CCDC171: variants seen among roughly 807,000 people sequenced by gnomAD.
CCDC171 encodes the protein coiled-coil domain containing 171.
Under a neutral mutation model 168.2 loss-of-function variants are expected in CCDC171, and 177 were observed. The observed-to-expected ratio is 1.05, with a 90% confidence interval of 0.93 to 1.19. The LOEUF (loss-of-function observed/expected upper bound fraction) is 1.19. Among genes scored for constraint, CCDC171 ranks in the 50% most tolerant of loss-of-function variants. The pLI is 0.00. For synonymous variants in CCDC171, 687 were observed against 540.8 expected (o/e 1.27, Z -3.75); for missense variants, 1,991 against 1,539.0 (o/e 1.29, Z -4.91).
At chr9:15,613,790 G>A (rs913329252) in intron 6 of CCDC171, among the ~76,000 whole-genome samples, 6 of 151,966 alleles carry the variant, frequency 3.9e-5, no homozygotes, top group South Asian at 2.1e-4. Context: ...CCCAAAGTGC[G>A]GGGATTACAG....
intron 3 of CCDC171, among the ~76,000 whole-genome samples, chr9:15,982,856 T>A (rs1649376556): frequency 6.6e-6 from 1 of 152,172 alleles, no homozygotes. Flanking sequence ...ATTCTACTTG[T>A]TCAGCAGACA....
chr9:15,650,789 T>C (rs1464390891), intron 7 of CCDC171, among the ~76,000 whole-genome samples: 2 of 152,190 alleles, frequency 1.3e-5, no homozygotes, highest in Non-Finnish European at 2.9e-5. Context: ...TTTATGTGCA[T>C]AGAATGAAAT....
chr9:15,653,174 C>G (rs866887934), intron 7 of CCDC171, among the ~76,000 whole-genome samples: 6 of 148,142 alleles, frequency 4.1e-5, no homozygotes, highest in Admixed American at 2.7e-4. Context: ...GGTCTCGTTC[C>G]TCTTGCCTAG....
chr9:15,994,574 T>TA (rs1832309915), intron 3 of CCDC171, among the ~76,000 whole-genome samples: 1 of 152,184 alleles, frequency 6.6e-6, no homozygotes. Context: ...CCCTAGAACT[T>TA]AAAGTATATA....
intron 7 of CCDC171, among the ~76,000 whole-genome samples, chr9:15,633,582 T>C (rs1393627202): frequency 1.3e-5 from 2 of 152,174 alleles, no homozygotes; most frequent in Non-Finnish European, 2.9e-5. Context: ...GGTGGGACTG[T>C]AAACTAGTTC....
the CCDC171 span, among the ~76,000 whole-genome samples, chr9:16,098,162 G>T: frequency 6.6e-6 from 1 of 151,164 alleles, no homozygotes; most frequent in East Asian, 1.9e-4. Flanking sequence ...TTAGCTGAGA[G>T]ACTTTGGGCT....
At chr9:15,966,895 G>GTATA (rs34017341) in intron 25 of CCDC171, among the ~76,000 whole-genome samples, 15 of 149,244 alleles carry the variant, frequency 1.0e-4, no homozygotes, top group South Asian at 2.1e-4. Flanking sequence ...GTGTGTGTGT[G>GTATA]TATATATATA....
chr9:15,642,439 A>C (rs1233606526), intron 7 of CCDC171, among the ~76,000 whole-genome samples: 2 of 146,564 alleles, frequency 1.4e-5, no homozygotes, highest in Non-Finnish European at 3.0e-5. Context: ...TGATTACATT[A>C]GGATTGGATG....
At chr9:15,576,424 G>T (rs1244799340) in intron 3 of CCDC171, among the ~76,000 whole-genome samples, 1 of 151,992 alleles carries the variant, frequency 6.6e-6, no homozygotes, top group Non-Finnish European at 1.5e-5. Context: ...CTAGCCTCAA[G>T]CAACCCTCCC....
intron 3 of CCDC171, among the ~76,000 whole-genome samples, chr9:16,009,215 C>T (rs3008727): frequency 0.57 from 85,939 of 151,876 alleles, 24,536 homozygotes; most frequent in East Asian, 0.66. Flanking sequence ...AATGTCCTTT[C>T]AAACTAGAGT....
At chr9:15,826,981 G>GA (rs1401089380) in intron 21 of CCDC171, among the ~76,000 whole-genome samples, 2 of 152,132 alleles carry the variant, frequency 1.3e-5, no homozygotes, top group African/African-American at 2.4e-5. Context: ...TAAGAATGAA[G>GA]AAAAAAATGC....
intron 18 of CCDC171, among the ~76,000 whole-genome samples, chr9:15,748,355 T>C (rs1455059078): frequency 2.0e-5 from 3 of 152,166 alleles, no homozygotes; most frequent in African/African-American, 4.8e-5. Flanking sequence ...GATTGGTGTA[T>C]CTGAAAGTGA....
intron 7 of CCDC171, among the ~76,000 whole-genome samples, chr9:15,645,243 A>G (rs2132630254): frequency 6.6e-6 from 1 of 152,368 alleles, no homozygotes; most frequent in East Asian, 1.9e-4. Flanking sequence ...TCTGTATGTC[A>G]CCATCATCAA....
At chr9:15,681,782 G>A (rs1161444745) in intron 10 of CCDC171, among the ~76,000 whole-genome samples, 1 of 151,852 alleles carries the variant, frequency 6.6e-6, no homozygotes, top group Admixed American at 6.6e-5. Context: ...TTCACAGTCT[G>A]GCTGTTATTT....
chr9:15,733,048 A>G (rs1049264144), intron 16 of CCDC171, among the ~76,000 whole-genome samples: 1 of 151,892 alleles, frequency 6.6e-6, no homozygotes, highest in Non-Finnish European at 1.5e-5. Flanking sequence ...TTCGATTTAC[A>G]TTTTCCCTAC....
chr9:15,856,689 G>T (rs1313649139), intron 23 of CCDC171, among the ~76,000 whole-genome samples: 2 of 151,976 alleles, frequency 1.3e-5, no homozygotes, highest in African/African-American at 4.8e-5. Flanking sequence ...ATTTCTTAGA[G>T]ATTCTTATTG....
At chr9:16,103,653 C>T in the CCDC171 span, among the ~76,000 whole-genome samples, 1 of 152,150 alleles carries the variant, frequency 6.6e-6, no homozygotes, top group Admixed American at 6.5e-5. Context: ...GGGGCTCCTG[C>T]GCTGCTGCCG....
chr9:15,810,472 G>T (rs2059294737), intron 21 of CCDC171, among the ~76,000 whole-genome samples: 1 of 144,182 alleles, frequency 6.9e-6, no homozygotes, highest in Non-Finnish European at 1.5e-5. Context: ...GGGAGGCTAG[G>T]GCCACTTGGG....
chr9:16,087,557 C>CTTTTTTTTTTTTTTTT, the CCDC171 span, among the ~76,000 whole-genome samples: 18 of 78,790 alleles, frequency 2.3e-4, no homozygotes, highest in Middle Eastern at 0.01. Context: ...GCAACTCCTG[C>CTTTTTTTTTTTTTTTT]TTTTTTTTTT....
Sources: gnomAD v4.1 joint callset for allele counts (sites outside exome capture counted in the v4.1 genomes callset) on GRCh38, gnomAD v4.1.1 for gene constraint, MANE v1.5 for transcripts, NCBI Gene and HGNC (gene_info 2026-07-23, HGNC 2026-07-21) for gene names.